Variants in CHD2 observed in about 807,000 individuals in gnomAD.
CHD2 encodes the protein ATP-dependent chromatin remodeler CHD2.
In CHD2, 28 loss-of-function variants were observed where a neutral mutation model predicts 243.9. That is an observed-to-expected ratio of 0.11 (90% confidence interval 0.09 to 0.16). The LOEUF (loss-of-function observed/expected upper bound fraction) is 0.16, where lower values mean the gene tolerates loss of function less well. CHD2 is among the 10% of genes least tolerant of loss of function. CHD2 has a pLI of 1.00. For synonymous variants in CHD2, 775 were observed against 779.0 expected, an observed-to-expected ratio of 0.99 and a Z score of 0.09; for missense variants, 1,386 against 2,209.8, an observed-to-expected ratio of 0.63 and a Z score of 7.47.
intron 13 of CHD2, among the ~76,000 whole-genome samples, chr15:92,952,698 T>A (rs1596404554): frequency 6.6e-6 from 1 of 152,236 alleles, no homozygotes; most frequent in Non-Finnish European, 1.5e-5. Context: ...CACCTTCTGC[T>A]GTGCAGCTGG....
intron 25 of CHD2, among the ~76,000 whole-genome samples, chr15:92,984,779 A>C (rs534114906): frequency 2.6e-5 from 4 of 152,234 alleles, no homozygotes; most frequent in Non-Finnish European, 2.9e-5. Context: ...GCCTTTGAGT[A>C]GTCCTCACAG....
chr15:92,915,738 A>G (rs2052822053), intron 2 of CHD2, among the ~76,000 whole-genome samples: 1 of 152,362 alleles, frequency 6.6e-6, no homozygotes, highest in South Asian at 2.1e-4. Context: ...AAAGGAAAAT[A>G]AATCTCGGTA....
At chr15:92,953,636 A>G (rs2053581098) in intron 14 of CHD2, 63 bp downstream of exon 14, 1 of 1,487,988 alleles carries the variant, frequency 6.7e-7, no homozygotes. Context: ...AAATTCACTT[A>G]AAGCCTTCAG....
At chr15:92,901,634 G>T in intron 2 of CHD2, 1 of 422,088 alleles carries the variant, frequency 2.4e-6, no homozygotes, top group Non-Finnish European at 4.1e-6. Flanking sequence ...TGACCTTGTC[G>T]GTTTAGCCAT....
chr15:93,012,804 T>C (rs1351124464), intron 36 of CHD2, among the ~76,000 whole-genome samples: 1 of 152,216 alleles, frequency 6.6e-6, no homozygotes, highest in Admixed American at 6.5e-5. Flanking sequence ...GGACCATCTA[T>C]TTGGTGTCCT....
intron 16 of CHD2, among the ~76,000 whole-genome samples, chr15:92,963,625 T>A (rs1388748885): frequency 6.6e-6 from 1 of 152,244 alleles, no homozygotes; most frequent in Admixed American, 6.5e-5. Flanking sequence ...CGCTGTTGGG[T>A]ATTGCTTTCT....
intron 13 of CHD2, among the ~76,000 whole-genome samples, chr15:92,951,084 A>G (rs1434713477): frequency 6.6e-6 from 1 of 152,224 alleles, no homozygotes; most frequent in Non-Finnish European, 1.5e-5. Context: ...TTATAATTGA[A>G]GACTCTTAGG....
chr15:92,945,178 T>G (rs1277445124), intron 10 of CHD2: 1 of 152,372 alleles, frequency 6.6e-6, no homozygotes, highest in Non-Finnish European at 1.5e-5. Context: ...CAAGGACGAT[T>G]AGGACTGAGA....
intron 3 of CHD2, among the ~76,000 whole-genome samples, chr15:92,926,359 T>G (rs2053061717): frequency 6.6e-6 from 1 of 152,224 alleles, no homozygotes; most frequent in South Asian, 2.1e-4. Flanking sequence ...ACGTTAGCTG[T>G]CACCTGTAAT....
chr15:92,912,724 A>C lies in CHD2; in HGVS notation c.62+11425A>C, dbSNP rs1041732521. 2.2e-3 allele frequency among the ~76,000 whole-genome samples: 283 copies of C among 129,450 alleles called. 2 individuals are homozygous for C. The highest frequency in any genetic ancestry group is 0.012 in the African/African-American group (269 of 22,286). The allele number at this position is 129,450 out of a possible 152,430, so 84.9% of individuals were successfully genotyped here. On this transcript the variant is annotated intron_variant, in intron 2 of 38. Transcript: ENST00000394196. ...AATTTTTTGTATTTTTAGTAGAGAC[A>C]GGGGTTTCACTATGTTGGCCAGGCT... is the stretch of plus-strand genomic sequence containing the variant.
At chr15:92,921,858 G>A (rs549510735) in intron 2 of CHD2, among the ~76,000 whole-genome samples, 25 of 152,158 alleles carry the variant, frequency 1.6e-4, no homozygotes, top group Admixed American at 5.2e-4. Flanking sequence ...TGGAAGCTGC[G>A]ATGCCAGAGC....
At chr15:92,912,965 T>A (rs1351215603) in intron 2 of CHD2, among the ~76,000 whole-genome samples, 1 of 152,218 alleles carries the variant, frequency 6.6e-6, no homozygotes, top group Non-Finnish European at 1.5e-5. Flanking sequence ...TGGATCAAAC[T>A]CTTGCACTGT....
At position 92,972,424 on chromosome 15, in the gene CHD2, T is replaced by C. The variant is rs750138977; in HGVS notation, c.2505+7T>C. On this transcript the variant is annotated splice_region_variant and intron_variant, in intron 19 of 38. Coordinates refer to ENST00000394196, the MANE Select transcript of CHD2 (RefSeq NM_001271.4). ...TAAACACTATCCTTTCCAGGTAAGGTGATTTCAGTAATTGCTGTGGGGGGA... is the reference window on the plus strand; with the variant it reads ...TAAACACTATCCTTTCCAGGTAAGGCGATTTCAGTAATTGCTGTGGGGGGA... 1.9e-6 allele frequency: 3 copies of C among 1,581,436 alleles called. No individual in the cohort carries two copies. The highest frequency in any genetic ancestry group is 2.6e-6 in the Non-Finnish European group (3 of 1,166,380).
intron 33 of CHD2, among the ~76,000 whole-genome samples, chr15:93,003,175 C>T (rs1346831914): frequency 2.0e-5 from 3 of 151,584 alleles, no homozygotes; most frequent in Admixed American, 6.6e-5. Flanking sequence ...GGCCCAGTTG[C>T]ATGGGAGGCA....
intron 2 of CHD2, chr15:92,904,555 C>T (rs1051599320): frequency 5.0e-6 from 5 of 1,009,058 alleles, no homozygotes; most frequent in Admixed American, 5.9e-5. Context: ...GACGCGTTTG[C>T]TCCTGGCAGT....
intron 14 of CHD2, among the ~76,000 whole-genome samples, chr15:92,954,735 C>T (rs892235636): frequency 6.6e-6 from 1 of 152,188 alleles, no homozygotes; most frequent in Non-Finnish European, 1.5e-5. Flanking sequence ...ATCTCCAGTT[C>T]TCCTTTTCTT....
At chr15:92,940,483 T>C (rs942239549) in intron 7 of CHD2, among the ~76,000 whole-genome samples, 1 of 151,912 alleles carries the variant, frequency 6.6e-6, no homozygotes, top group Non-Finnish European at 1.5e-5. Context: ...GGAACAGATA[T>C]ATGCAAACAC....
chr15:93,017,704 C>CT (rs1291280487), intron 37 of CHD2, among the ~76,000 whole-genome samples: 1 of 151,984 alleles, frequency 6.6e-6, no homozygotes, highest in Non-Finnish European at 1.5e-5. Flanking sequence ...TGTAATTCTG[C>CT]TACAAGCTAC....
At chr15:92,902,344 A>AT (rs1225142034) in intron 2 of CHD2, 26 of 393,034 alleles carry the variant, frequency 6.6e-5, no homozygotes, top group Admixed American at 4.4e-4. Context: ...ATATGAATGC[A>AT]TTTTTTGATG....
Sources: gnomAD v4.1 joint callset for allele counts (sites outside exome capture counted in the v4.1 genomes callset) on GRCh38, gnomAD v4.1.1 for gene constraint, MANE v1.5 for transcripts, NCBI Gene and HGNC (gene_info 2026-07-23, HGNC 2026-07-21) for gene names.